Variants in EGFR observed in about 807,000 individuals in gnomAD.
EGFR encodes the protein epidermal growth factor receptor.
Under a neutral mutation model 143.0 loss-of-function variants are expected in EGFR, and 58 were observed. The observed-to-expected ratio is 0.41, with a 90% CI of 0.33 to 0.50. EGFR has a LOEUF of 0.50. EGFR is among the 20% of genes least tolerant of loss of function. The pLI, the probability that EGFR is intolerant of heterozygous loss-of-function variation, is 0.39. For synonymous variants in EGFR, 613 were observed against 594.4 expected, an observed-to-expected ratio of 1.03 and a Z score of -0.45; for missense variants, 1,307 against 1,579.0, an observed-to-expected ratio of 0.83 and a Z score of 2.92.
chr7:55,133,410 C>T (rs573102512), intron 1 of EGFR, among the ~76,000 whole-genome samples: 248 of 152,264 alleles, frequency 1.6e-3, no homozygotes, highest in Non-Finnish European at 3.0e-3. Flanking sequence ...TCTCCAGTAA[C>T]AAAGAGGGAC....
In EGFR at chr7:55,174,018, C is replaced by T. The variant is rs772799315; in HGVS notation, c.2159C>T (p.Ser720Phe). 6.2e-7 allele frequency: 1 copy of T among 1,614,242 alleles called. No individual in the cohort carries two copies. Among genetic ancestry groups the T allele is most frequent in the Non-Finnish European group, 8.5e-7 (1 of 1,180,048 alleles). The change falls in exon 18 of 28, where the codon TCC (serine) becomes TTC (phenylalanine). Residue 720 changes from serine to phenylalanine, a missense_variant. Physicochemically the swap from Ser to Phe is radical, Grantham distance 155 (BLOSUM62 -2). Around this residue, in one of 7 missense-constraint regions of EGFR, gnomAD observed 348 missense variants for 451.5 expected, o/e 0.77. Transcript: ENST00000275493. ...TEFKKIKVLG[S>F]GAFGTVYKGL... The stretch of plus-strand genomic sequence containing the variant: ...TTCAAAAAGATCAAAGTGCTGGGCT[C>T]CGGTGCGTTCGGCACGGTGTATAAG...
intron 17 of EGFR, 147 bp downstream of exon 17, chr7:55,173,271 C>G (rs1786442370): frequency 1.6e-6 from 2 of 1,244,202 alleles, no homozygotes; most frequent in South Asian, 1.4e-5. Flanking sequence ...TGCAGTTATA[C>G]CCAGTTGGTG....
intron 1 of EGFR, among the ~76,000 whole-genome samples, chr7:55,043,001 A>G (rs1292042908): frequency 6.6e-6 from 1 of 152,102 alleles, no homozygotes; most frequent in Non-Finnish European, 1.5e-5. Context: ...CTCTATAAGT[A>G]TATATATTCC....
In EGFR at chr7:55,198,840, A is replaced by G; in HGVS notation, c.2825A>G (p.Asp942Gly). 1.2e-6 allele frequency: 2 copies of G among 1,614,162 alleles called. No homozygotes were observed. The highest frequency in any genetic ancestry group is 1.7e-6 in the Non-Finnish European group (2 of 1,180,026). Residue 942 changes from aspartate to glycine, a missense_variant, in exon 23 of 28, where the codon GAT (aspartate) becomes GGT (glycine). Around this residue, in one of 7 missense-constraint regions of EGFR, gnomAD observed 348 missense variants for 451.5 expected, o/e 0.77. Transcript: ENST00000275493. ...RLPQPPICTI[D>G]VYMIMVKCWM... ...CCTCAGCCACCCATATGTACCATCG[A>G]TGTCTACATGATCATGGTCAAGTGT...
At chr7:55,193,423 G>A (rs914167197) in intron 22 of EGFR, among the ~76,000 whole-genome samples, 1 of 152,100 alleles carries the variant, frequency 6.6e-6, no homozygotes, top group East Asian at 1.9e-4. Flanking sequence ...CCCAGCACTG[G>A]CCTGTACCCA....
In EGFR at chr7:55,181,475, A is replaced by G. The variant is rs1471685928; in HGVS notation, c.2466A>G (p.Ala822=). The G allele has an allele frequency of 1.2e-6, 2 of 1,614,096 alleles. No individual in the cohort carries two copies. Among genetic ancestry groups the G allele is most frequent in the African/African-American group, 2.7e-5 (2 of 74,924 alleles). ...QYLLNWCVQI[A]KGMNYLEDRR... ...TGCTCAACTGGTGTGTGCAGATCGC[A>G]AAGGTAATCAGGGAAGGGAGATACG... The change falls in exon 20 of 28, where the codon GCA becomes GCG. Residue 822 remains alanine (A), a synonymous_variant. Transcript: ENST00000275493.
chr7:55,153,190 C>T (rs1785245330), intron 6 of EGFR, among the ~76,000 whole-genome samples: 1 of 152,212 alleles, frequency 6.6e-6, no homozygotes, highest in South Asian at 2.1e-4. Context: ...ACTGCTCAGG[C>T]ACCTCCTGAG....
chr7:55,087,461 C>T (rs189882017), intron 1 of EGFR, among the ~76,000 whole-genome samples: 2 of 152,138 alleles, frequency 1.3e-5, no homozygotes, highest in East Asian at 3.9e-4. Context: ...ACATTCTATC[C>T]GGCAGTCTTA....
intron 1 of EGFR, among the ~76,000 whole-genome samples, chr7:55,095,870 C>T (rs1332721300): frequency 6.6e-6 from 1 of 150,490 alleles, no homozygotes; most frequent in African/African-American, 2.4e-5. Flanking sequence ...GACATACCTA[C>T]AACACACAGA....
At chr7:55,091,471 G>A (rs1039302311) in intron 1 of EGFR, among the ~76,000 whole-genome samples, 6 of 152,156 alleles carry the variant, frequency 3.9e-5, no homozygotes, top group Admixed American at 3.9e-4. Context: ...GTGTGGGGAG[G>A]CCACAGTTGG....
At chr7:55,135,251 A>T (rs1427440746) in intron 1 of EGFR, among the ~76,000 whole-genome samples, 1 of 151,804 alleles carries the variant, frequency 6.6e-6, no homozygotes, top group East Asian at 1.9e-4. Context: ...CTCAAAATAA[A>T]GAGATGTTAT....
chr7:55,106,676 G>T (rs991271590), intron 1 of EGFR, among the ~76,000 whole-genome samples: 2 of 152,252 alleles, frequency 1.3e-5, no homozygotes, highest in African/African-American at 2.4e-5. Flanking sequence ...CATGCAAAAG[G>T]CTAGTCCTGA....
chr7:55,076,676 G>A (rs1790147125), intron 1 of EGFR, among the ~76,000 whole-genome samples: 1 of 152,048 alleles, frequency 6.6e-6, no homozygotes, highest in Non-Finnish European at 1.5e-5. Context: ...TATTGTGCAT[G>A]GCACCCACCC....
intron 3 of EGFR, among the ~76,000 whole-genome samples, chr7:55,144,277 TG>T (rs1794636489): frequency 6.6e-6 from 1 of 152,196 alleles, no homozygotes; most frequent in Non-Finnish European, 1.5e-5. Flanking sequence ...CTTCACACCA[TG>T]GCAAAGTCGA....
rs2128958925 is a variant in EGFR at position 55,181,487 on chromosome 7, G to A, written c.2469+9G>A. The A allele has an allele frequency of 6.2e-7, 1 of 1,614,246 alleles. No individual in the cohort carries two copies. Among genetic ancestry groups the A allele is most frequent in the South Asian group, 1.1e-5 (1 of 91,080 alleles). ...GTGTGCAGATCGCAAAGGTAATCAG[G>A]GAAGGGAGATACGGGGAGGGGAGAT... On this transcript the variant is annotated intron_variant, in intron 20 of 27. Transcript: ENST00000275493.
intron 12 of EGFR, among the ~76,000 whole-genome samples, chr7:55,161,215 C>T (rs1785680758): frequency 6.6e-6 from 1 of 152,222 alleles, no homozygotes; most frequent in South Asian, 2.1e-4. Context: ...CACGGCACCC[C>T]CTCTCGGGTG....
At chr7:55,020,288 C>G (rs865914500) in intron 1 of EGFR, among the ~76,000 whole-genome samples, 1 of 152,214 alleles carries the variant, frequency 6.6e-6, no homozygotes, top group African/African-American at 2.4e-5. Flanking sequence ...ATGGCCGCCT[C>G]GCGGAGACGT....
chr7:55,176,805 A>G (rs1008649384), intron 19 of EGFR, among the ~76,000 whole-genome samples: 6 of 147,880 alleles, frequency 4.1e-5, no homozygotes, highest in South Asian at 2.1e-4. Flanking sequence ...ATTTAGATAT[A>G]TAAATATATA....
intron 1 of EGFR, among the ~76,000 whole-genome samples, chr7:55,104,413 G>C (rs1792003024): frequency 6.6e-6 from 1 of 152,186 alleles, no homozygotes; most frequent in Admixed American, 6.5e-5. Context: ...TGGATTCTGA[G>C]ACAGGCCGGG....
Sources: gnomAD v4.1 joint callset for allele counts (sites outside exome capture counted in the v4.1 genomes callset) on GRCh38, gnomAD v4.1.1 for gene constraint, gnomAD v4.1.1 regional missense constraint, MANE v1.5 for transcripts, NCBI Gene and HGNC (gene_info 2026-07-23, HGNC 2026-07-21) for gene names.